EML2: variants seen among roughly 807,000 people sequenced by gnomAD.
EML2 encodes echinoderm microtubule-associated protein-like 2.
EML2 carries 59 observed loss-of-function variants against 84.7 expected under a neutral mutation model. The observed-to-expected ratio is 0.70, with a 90% CI of 0.56 to 0.86. The LOEUF (loss-of-function observed/expected upper bound fraction) is 0.86. Ranked by LOEUF, EML2 falls within the 40% of genes least tolerant of loss-of-function variation. The pLI is 0.00. For missense variants in EML2, 818 were observed against 855.6 expected, an observed-to-expected ratio of 0.96 and a Z score of 0.55; for synonymous variants, 352 against 348.9, an observed-to-expected ratio of 1.01 and a Z score of -0.10.
upstream of EML2, chr19:45,642,215 A>G (rs1265955351): frequency 2.0e-6 from 3 of 1,535,340 alleles, no homozygotes; most frequent in South Asian, 3.6e-5. Context: ...TGTTCTTCGC[A>G]TGCCCGCAGG....
intron 11 of EML2, 81 bp downstream of exon 11, chr19:45,621,126 T>G: frequency 2.6e-6 from 4 of 1,533,800 alleles, no homozygotes; most frequent in African/African-American, 1.4e-5. Context: ...GAACTGGGAG[T>G]GGGGAGGGGG....
chr19:45,609,668 C>G lies in EML2; in HGVS notation c.1945G>C (p.Val649Leu). The G allele has an allele frequency of 6.2e-7, 1 of 1,601,606 alleles. No homozygotes were observed. The highest frequency in any genetic ancestry group is 1.1e-5 in the South Asian group (1 of 89,668). The change falls in exon 19 of 19, where the codon GTC becomes CTC. Residue 649 changes from valine (V) to leucine (L), a missense_variant. Physicochemically the swap from Val to Leu is conservative, Grantham distance 32. Coordinates refer to ENST00000245925, the MANE Select transcript of EML2 (RefSeq NM_012155.4). ...KDTSVLQWRV[V>L] is the part of the protein sequence containing the mutation. ...CTGACTCTTCCCTGGCCGCATCAGA[C>G]CACCCGCCACTGTAGCACACTGGTG...
chr19:45,623,183 C>A (rs986299332), intron 9 of EML2, among the ~76,000 whole-genome samples: 12 of 151,426 alleles, frequency 7.9e-5, no homozygotes, highest in Non-Finnish European at 1.8e-4. Context: ...CACGGTGAAA[C>A]CCCGTCTCTA....
intron 3 of EML2, among the ~76,000 whole-genome samples, chr19:45,636,988 C>A (rs1973801100): frequency 6.6e-6 from 1 of 152,264 alleles, no homozygotes; most frequent in Non-Finnish European, 1.5e-5. Context: ...CCCCATGAAA[C>A]TGCTCTGACC....
chr19:45,624,804 C>A lies in EML2; in HGVS notation c.756G>T (p.Pro252=), dbSNP rs779259012. ...AAAAGGTCACACACAGCACATACTT[C>A]GGTTTCTCATGTTTCTAAGGTGGGG... ...RQGLFEKHEK[P]KYVLCVTFLE... is the part of the protein sequence containing the mutation. The change falls in exon 9 of 19, where the codon CCG becomes CCT. Residue 252 remains proline (P), a synonymous_variant. Transcript: ENST00000245925. 4 of 1,612,600 alleles carry A rather than the reference C, an allele frequency of 2.5e-6. No homozygotes were observed. The highest frequency in any genetic ancestry group is 1.3e-5 in the African/African-American group (1 of 74,860).
intron 3 of EML2, among the ~76,000 whole-genome samples, chr19:45,634,732 T>G (rs1449848791): frequency 6.6e-6 from 1 of 151,636 alleles, no homozygotes; most frequent in Non-Finnish European, 1.5e-5. Context: ...CGGCTTATTT[T>G]TTGTATTTTT....
intron 8 of EML2, among the ~76,000 whole-genome samples, chr19:45,625,773 C>T (rs916060714): frequency 6.6e-6 from 1 of 152,242 alleles, no homozygotes; most frequent in Non-Finnish European, 1.5e-5. Context: ...TGTCTTCCCA[C>T]CCTCTGCTTC....
chr19:45,629,838 G>A (rs1286590739), intron 7 of EML2, 113 bp downstream of exon 7: 2 of 813,636 alleles, frequency 2.5e-6, no homozygotes, highest in Non-Finnish European at 4.2e-6. Flanking sequence ...AGCCAGCAAG[G>A]AGTAAAGCCA....
intron 8 of EML2, 122 bp from the exon 9 acceptor site, chr19:45,624,940 C>T: frequency 2.9e-6 from 2 of 688,718 alleles, no homozygotes; most frequent in Non-Finnish European, 5.1e-6. Flanking sequence ...TAGGGTAAGG[C>T]TCTGCGTGGA....
chr19:45,638,675 C>A lies in EML2; in HGVS notation c.50-41G>T, dbSNP rs776219712. On this transcript the variant is annotated intron_variant, in intron 2 of 18. Coordinates refer to ENST00000245925, the MANE Select transcript of EML2 (RefSeq NM_012155.4). ...CAGAGGTCAGGCACTGACACCAGCCCCATCCCTATTCCCTCTCCTCTTCCA... is the reference window on the plus strand; with the variant it reads ...CAGAGGTCAGGCACTGACACCAGCCACATCCCTATTCCCTCTCCTCTTCCA... The A allele has an allele frequency of 2.5e-6, 4 of 1,607,312 alleles. No homozygotes were observed. The Admixed American group carries it at 6.8e-5, about 27-fold the overall frequency.
intron 9 of EML2, among the ~76,000 whole-genome samples, chr19:45,622,038 C>T (rs752758434): frequency 5.3e-5 from 8 of 152,042 alleles, no homozygotes; most frequent in Non-Finnish European, 2.9e-5. Context: ...CCACCATGCC[C>T]GGCCCCACCT....
chr19:45,610,207 C>A lies in EML2; in HGVS notation c.1825-419G>T, dbSNP rs1970345989. On this transcript the variant is annotated intron_variant, in intron 18 of 18. Transcript: ENST00000245925. ...GGTCAGGAGATCAAGACCATCCTGG[C>A]CAATATGGTGAAACCCCGTTCTCTA... 2.6e-5 allele frequency among the ~76,000 whole-genome samples: 4 copies of A among 151,268 alleles called. No homozygotes were observed. The South Asian group carries it at 8.4e-4, about 32-fold the overall frequency.
Position 45,609,790 on chromosome 19 carries a change from T to C in EML2, c.1825-2A>G, listed in dbSNP as rs944964067. ...TCCACCGTACTTGTGGCTGAGGGCC[T>C]GTTACAAGGAAAGAAGTAAGTGAAG... On this transcript the variant is annotated splice_acceptor_variant, in intron 18 of 18. Transcript: ENST00000245925. LOFTEE classifies it high-confidence loss of function. 4.3e-6 allele frequency: 7 copies of C among 1,611,792 alleles called. No individual in the cohort carries two copies. The highest frequency in any genetic ancestry group is 4.2e-6 in the Non-Finnish European group (5 of 1,179,092).
At chr19:45,626,380 CTT>C (rs35850853) in intron 8 of EML2, among the ~76,000 whole-genome samples, 100 of 79,448 alleles carry the variant, frequency 1.3e-3, no homozygotes, top group South Asian at 2.7e-3. Context: ...ATCCTCACAA[CTT>C]TTTTTTTTTT....
chr19:45,615,556 T>TAATA (rs1568435464), intron 16 of EML2, among the ~76,000 whole-genome samples: 11 of 115,920 alleles, frequency 9.5e-5, no homozygotes, highest in Non-Finnish European at 2.2e-4. Flanking sequence ...TAATAATAAT[T>TAATA]AAAAATTTAA....
At chr19:45,614,921 C>A (rs1377059858) in intron 16 of EML2, 5 of 464,620 alleles carry the variant, frequency 1.1e-5, no homozygotes, top group Non-Finnish European at 2.0e-5. Flanking sequence ...TCTGGCCGGG[C>A]ATGGTGGCTC....
upstream of EML2, chr19:45,642,278 G>A: frequency 6.5e-7 from 1 of 1,535,964 alleles, no homozygotes. Context: ...TCGTCTTCCT[G>A]TAACTGCAGC....
chr19:45,645,237 G>C (rs897597287), upstream of EML2: 2 of 1,528,310 alleles, frequency 1.3e-6, no homozygotes, highest in Admixed American at 2.0e-5. Context: ...TCCAGCCTTG[G>C]GCGGGGCCAA....
chr19:45,642,007 C>T (rs1340210416), upstream of EML2: 1 of 1,444,254 alleles, frequency 6.9e-7, no homozygotes, highest in South Asian at 1.5e-5. Context: ...CATTAAGGGG[C>T]GTCCTGGTGG....
Sources: gnomAD v4.1 joint callset for allele counts (sites outside exome capture counted in the v4.1 genomes callset) on GRCh38, gnomAD v4.1.1 for gene constraint, MANE v1.5 for transcripts, NCBI Gene and HGNC (gene_info 2026-07-23, HGNC 2026-07-21) for gene names.